TUB: variants seen among roughly 807,000 people sequenced by gnomAD.
TUB encodes the protein TUB bipartite transcription factor.
A neutral mutation model predicts 59.7 loss-of-function variants in TUB; 33 were observed. The observed-to-expected ratio is 0.55, with a 90% CI of 0.42 to 0.74. The LOEUF (loss-of-function observed/expected upper bound fraction) is 0.74, where lower values mean the gene tolerates loss of function less well. Ranked by LOEUF, TUB falls within the 30% of genes least tolerant of loss-of-function variation. TUB has a pLI of 0.00. For missense variants in TUB, 659 were observed against 672.0 expected (o/e 0.98, Z 0.21); for synonymous variants, 293 against 256.4 (o/e 1.14, Z -1.36).
At chr11:8,031,616 CA>C (rs1334800236) in intron 1 of TUB, among the ~76,000 whole-genome samples, 2 of 152,220 alleles carry the variant, frequency 1.3e-5, no homozygotes, top group Admixed American at 6.5e-5. Flanking sequence ...GGGGCCGCAT[CA>C]ATGTTGGATG....
At chr11:8,044,504 C>G (rs12793805) in intron 2 of TUB, among the ~76,000 whole-genome samples, 70,003 of 152,032 alleles carry the variant, frequency 0.46, 18,454 homozygotes, top group Middle Eastern at 0.62. Flanking sequence ...ATTCTGTCAT[C>G]TGTGTCTTCC....
chr11:8,098,026 C>G (rs1172655963), intron 8 of TUB, among the ~76,000 whole-genome samples, 200 bp downstream of exon 8: 1 of 152,136 alleles, frequency 6.6e-6, no homozygotes, highest in Admixed American at 6.5e-5. Context: ...GAATCACACA[C>G]CCGACCCCAA....
intron 3 of TUB, among the ~76,000 whole-genome samples, chr11:8,093,061 G>A (rs536135232): frequency 3.3e-5 from 5 of 152,268 alleles, no homozygotes; most frequent in South Asian, 2.1e-4. Context: ...CTGCTTTCAC[G>A]GACCTTACAG....
rs1258239351 is a variant in TUB at position 8,105,078 on chromosome 11, TGAGGG to T, written c.*3463_*3467del. The T allele has an allele frequency of 5.9e-5, 9 of 152,240 alleles. No homozygotes were observed. Among genetic ancestry groups the T allele is most frequent in the Non-Finnish European group, 1.3e-4 (9 of 67,998 alleles). 9.4% of individuals were successfully genotyped at this position (152,240 alleles called of 1,614,324 possible). ...GCTTTGCTTACAATGGAGTCTGCAG[TGAGGG>T]GAGATGCTGGGATAGCCATTTCCAT... On this transcript the variant is annotated 3_prime_UTR_variant, in exon 12 of 12. Transcript: ENST00000299506.
intron 9 of TUB, among the ~76,000 whole-genome samples, chr11:8,099,173 T>C (rs1944143830): frequency 6.6e-6 from 1 of 152,124 alleles, no homozygotes; most frequent in Admixed American, 6.5e-5. Context: ...TGGGTTCTTG[T>C]CTGTGCATTT....
intron 1 of TUB, among the ~76,000 whole-genome samples, chr11:8,031,823 C>T (rs1055096018): frequency 9.8e-5 from 15 of 152,336 alleles, no homozygotes; most frequent in Admixed American, 9.1e-4. Context: ...GGGCCAGTCT[C>T]GCAGGGCAGG....
Position 8,100,955 on chromosome 11 carries a change from C to A in TUB, c.1345C>A (p.Gln449Lys), listed in dbSNP as rs920853989. ...YVLNFHGRVT[Q>K]ASVKNFQIIH... is the part of the protein sequence containing the mutation. Reference sequence around the variant, plus strand: ...ACTCAACTTCCATGGGCGCGTCACACAGGCCTCCGTGAAGAACTTCCAGAT... The same window carrying A: ...ACTCAACTTCCATGGGCGCGTCACAAAGGCCTCCGTGAAGAACTTCCAGAT... Residue 449 changes from glutamine to lysine, a missense_variant, in exon 11 of 12, where the codon CAG becomes AAG. Transcript: ENST00000299506. 1 of 1,614,158 alleles carries A rather than the reference C, an allele frequency of 6.2e-7. No homozygotes were observed.
rs1295297649 is a variant in TUB at position 8,101,463 on chromosome 11, TCTGTGC to T, written c.1388-16_1388-11del. Reference sequence around the variant, plus strand: ...CATTCCTGTCCTGTCCTTTTCTCTGTCTGTGCCTGTGCTTGGCCCCAGCGGACTACA... The same window carrying T: ...CATTCCTGTCCTGTCCTTTTCTCTGTCTGTGCTTGGCCCCAGCGGACTACA... On this transcript the variant is annotated splice_polypyrimidine_tract_variant and intron_variant, in intron 11 of 11. Coordinates refer to ENST00000299506, the MANE Select transcript of TUB (RefSeq NM_177972.3). 16 of 1,556,974 alleles carry T rather than the reference TCTGTGC, an allele frequency of 1.0e-5. No homozygotes were observed. In the Admixed American group the frequency reaches 2.8e-4, roughly 27 times the overall value.
At chr11:8,063,244 T>A (rs907940719) in intron 2 of TUB, among the ~76,000 whole-genome samples, 1 of 152,240 alleles carries the variant, frequency 6.6e-6, no homozygotes, top group African/African-American at 2.4e-5. Flanking sequence ...CAAGGACAGT[T>A]ATGAAATCTC....
At chr11:8,079,080 ACTGT>A (rs1943498949), upstream of TUB, among the ~76,000 whole-genome samples, 3 of 152,072 alleles carry the variant, frequency 2.0e-5, no homozygotes, top group Non-Finnish European at 4.4e-5. Context: ...CAGAGCCTAA[ACTGT>A]CTATTTAATA....
intron 1 of TUB, among the ~76,000 whole-genome samples, chr11:8,084,607 G>C (rs568373666): frequency 1.3e-5 from 2 of 152,304 alleles, no homozygotes; most frequent in South Asian, 4.1e-4. Flanking sequence ...CCATTGCCTG[G>C]TGTTTCTCTC....
In TUB at chr11:8,081,544, T is replaced by A; in HGVS notation, c.34T>A (p.Tyr12Asn). Residue 12 changes from tyrosine to asparagine, a missense_variant, in exon 1 of 12, where the codon TAC becomes AAC. Tyr to Asn is a moderately radical substitution (Grantham distance 143). This residue lies in a region of TUB where 321 missense variants were observed against 304.3 expected (regional missense o/e 1.05). Transcript: ENST00000299506. The part of the protein sequence containing the change: ...TSKPHSDWIP[Y>N]SVLDDEGRNL... ...CAAGCCGCATTCCGACTGGATTCCC[T>A]ACAGGTACGCGGGCGCCGGGCCGGG... 1 of 1,546,574 alleles carries A rather than the reference T, an allele frequency of 6.5e-7. No homozygotes were observed.
chr11:8,058,920 CTTTG>C (rs1943070364), intron 2 of TUB, among the ~76,000 whole-genome samples: 1 of 152,174 alleles, frequency 6.6e-6, no homozygotes, highest in Non-Finnish European at 1.5e-5. Context: ...GCTATACATC[CTTTG>C]TGTCAGTAAA....
At chr11:8,090,848 T>G (rs1943757550) in intron 3 of TUB, among the ~76,000 whole-genome samples, 1 of 151,870 alleles carries the variant, frequency 6.6e-6, no homozygotes, top group Non-Finnish European at 1.5e-5. Context: ...GCAGCACATC[T>G]CTGTTCTCAG....
At chr11:8,056,940 G>A (rs34576400) in intron 2 of TUB, among the ~76,000 whole-genome samples, 298 of 152,216 alleles carry the variant, frequency 2.0e-3, no homozygotes, top group South Asian at 0.016. Flanking sequence ...CTCTCCACAC[G>A]TCACGAGTTA....
upstream of TUB, chr11:8,076,819 T>G (rs758002747): frequency 1.3e-5 from 2 of 152,236 alleles, no homozygotes; most frequent in Non-Finnish European, 2.9e-5. Context: ...TGTGTTTGTG[T>G]GTGTGGAAAT....
intron 1 of TUB, chr11:8,019,367 C>T (rs1166730654): frequency 3.2e-6 from 4 of 1,252,156 alleles, no homozygotes; most frequent in South Asian, 3.4e-5. Context: ...AGGTAGGGCG[C>T]CCGAAGGGTG....
At chr11:8,035,250 G>T (rs1043900214), upstream of TUB, among the ~76,000 whole-genome samples, 6 of 152,186 alleles carry the variant, frequency 3.9e-5, no homozygotes, top group African/African-American at 1.4e-4. Flanking sequence ...CACTGGATTT[G>T]CGGGCCTTGT....
chr11:8,070,952 G>C (rs117916888), intron 2 of TUB, among the ~76,000 whole-genome samples: 54 of 152,262 alleles, frequency 3.5e-4, no homozygotes, highest in Non-Finnish European at 7.1e-4. Flanking sequence ...CAGACTGCAG[G>C]GGGGCTGGAG....
Sources: gnomAD v4.1 joint callset for allele counts (sites outside exome capture counted in the v4.1 genomes callset) on GRCh38, gnomAD v4.1.1 for gene constraint, gnomAD v4.1.1 regional missense constraint, MANE v1.5 for transcripts, NCBI Gene and HGNC (gene_info 2026-07-23, HGNC 2026-07-21) for gene names.